The following SLC25A26 variants were observed in gnomAD, a reference collection of about 807,000 sequenced individuals.
SLC25A26 encodes mitochondrial S-adenosylmethionine carrier protein.
A neutral mutation model predicts 37.8 loss-of-function variants in SLC25A26; 36 were observed. That is an observed-to-expected ratio of 0.95 (90% CI 0.73 to 1.26). SLC25A26 has a LOEUF of 1.26. Ranked by LOEUF, SLC25A26 falls within the 50% of genes most tolerant of loss-of-function variation. The pLI, the probability that SLC25A26 is intolerant of heterozygous loss-of-function variation, is 0.00. For missense variants in SLC25A26, 390 were observed against 331.1 expected, an observed-to-expected ratio of 1.18 and a Z score of -1.38; for synonymous variants, 129 against 122.5, an observed-to-expected ratio of 1.05 and a Z score of -0.35.
chr3:66,258,702 G>A (rs982094887), intron 3 of SLC25A26, among the ~76,000 whole-genome samples: 29 of 152,056 alleles, frequency 1.9e-4, no homozygotes, highest in Admixed American at 3.9e-4. Flanking sequence ...TATAATTAAT[G>A]TAAAATAATT....
intron 1 of SLC25A26, among the ~76,000 whole-genome samples, chr3:66,224,591 A>T (rs191446362): frequency 6.6e-6 from 1 of 152,162 alleles, no homozygotes; most frequent in Non-Finnish European, 1.5e-5. Context: ...GAGCCAAACC[A>T]TATCATTCCA....
intron 6 of SLC25A26, among the ~76,000 whole-genome samples, chr3:66,360,433 G>T (rs2076671096): frequency 1.3e-5 from 2 of 152,064 alleles, no homozygotes; most frequent in Non-Finnish European, 2.9e-5. Flanking sequence ...ACCTTAATTG[G>T]AGAGGAAGAA....
intron 5 of SLC25A26, among the ~76,000 whole-genome samples, chr3:66,316,781 A>T (rs985841290): frequency 1.3e-5 from 2 of 152,104 alleles, no homozygotes; most frequent in Admixed American, 1.3e-4. Flanking sequence ...GTTTTTTAAC[A>T]TAATCCCATA....
chr3:66,352,421 G>GTTTTTTTTTTT (rs1379958045), intron 6 of SLC25A26, among the ~76,000 whole-genome samples: 4 of 126,554 alleles, frequency 3.2e-5, no homozygotes, highest in African/African-American at 1.5e-4. Flanking sequence ...GCCTCCCCTC[G>GTTTTTTTTTTT]TTTTTTGTTT....
chr3:66,242,590 G>A (rs949520585), intron 2 of SLC25A26, among the ~76,000 whole-genome samples: 2 of 151,914 alleles, frequency 1.3e-5, no homozygotes. Context: ...ACATTTTTTG[G>A]TTAACAGTAC....
rs56004357 is a variant in SLC25A26, at chr3:66,327,885, AT to A, written c.454-18467del. The stretch of plus-strand genomic sequence containing the variant: ...ATTGCTTTATTATTACAAGTAGGGG[AT>A]TTTTTTTTTTTGCCACTTTAATGAA... On this transcript the variant is annotated intron_variant, in intron 5 of 9. Coordinates refer to ENST00000354883, the MANE Select transcript of SLC25A26 (RefSeq NM_001379210.1). Among the ~76,000 whole-genome samples the A allele has an allele frequency of 2.5e-3, 366 of 146,170 alleles. 4 individuals are homozygous for A. The highest frequency in any genetic ancestry group is 5.8e-3 in the South Asian group (27 of 4,668).
At chr3:66,350,444 A>G (rs553020364) in intron 6 of SLC25A26, among the ~76,000 whole-genome samples, 2 of 151,978 alleles carry the variant, frequency 1.3e-5, no homozygotes, top group Non-Finnish European at 2.9e-5. Context: ...TGTTGACTTC[A>G]CTGTTGGGAA....
At chr3:66,343,841 ACAGT>A (rs1364560142) in intron 5 of SLC25A26, among the ~76,000 whole-genome samples, 4 of 152,208 alleles carry the variant, frequency 2.6e-5, no homozygotes, top group Admixed American at 2.0e-4. Flanking sequence ...AACCTATTAC[ACAGT>A]CAAGTTATTG....
chr3:66,271,406 T>C (rs1034193734), intron 5 of SLC25A26, among the ~76,000 whole-genome samples: 2 of 152,176 alleles, frequency 1.3e-5, no homozygotes, highest in African/African-American at 2.4e-5. Flanking sequence ...CTCTGGCTAA[T>C]TGACTCATGG....
intron 1 of SLC25A26, among the ~76,000 whole-genome samples, chr3:66,208,870 G>GTGTATGTATATATA (rs1364331517): frequency 3.6e-5 from 2 of 55,888 alleles, no homozygotes; most frequent in East Asian, 8.0e-4. Context: ...ATGGGTGTGT[G>GTGTATGTATATATA]TATATATATA....
chr3:66,283,531 C>G (rs1214360200), intron 5 of SLC25A26, among the ~76,000 whole-genome samples: 3 of 152,156 alleles, frequency 2.0e-5, no homozygotes, highest in African/African-American at 7.2e-5. Flanking sequence ...GTCTGCCTAC[C>G]TTGGCATCCC....
intron 6 of SLC25A26, among the ~76,000 whole-genome samples, chr3:66,361,915 CA>C (rs1480115426): frequency 1.3e-5 from 2 of 151,744 alleles, no homozygotes; most frequent in Admixed American, 6.6e-5. Context: ...TGCAGTGAGC[CA>C]AGATTGCACC....
chr3:66,324,797 G>GT (rs397805698), intron 5 of SLC25A26, among the ~76,000 whole-genome samples: 9,510 of 147,142 alleles, frequency 0.065, 933 homozygotes, highest in African/African-American at 0.22. Flanking sequence ...GTAAGCACAG[G>GT]TTTTTTTTTT....
At chr3:66,145,101 G>A (rs1236784323) in intron 1 of SLC25A26, among the ~76,000 whole-genome samples, 1 of 152,080 alleles carries the variant, frequency 6.6e-6, no homozygotes, top group African/African-American at 2.4e-5. Flanking sequence ...GAATTAATGG[G>A]GCTGGGGACT....
chr3:66,287,799 G>A (rs73833451), intron 5 of SLC25A26, among the ~76,000 whole-genome samples: 10,037 of 152,220 alleles, frequency 0.066, 374 homozygotes, highest in African/African-American at 0.081. Context: ...AATAAACCTA[G>A]AACCTAAATT....
intron 5 of SLC25A26, among the ~76,000 whole-genome samples, chr3:66,315,027 TTAG>T (rs200069006): frequency 0.035 from 5,336 of 151,530 alleles, 134 homozygotes; most frequent in Admixed American, 0.053. Flanking sequence ...ATTAGTCTAG[TTAG>T]TAGTCTATTT....
chr3:66,157,981 A>G (rs969331850), intron 1 of SLC25A26, among the ~76,000 whole-genome samples: 29 of 152,218 alleles, frequency 1.9e-4, no homozygotes, highest in African/African-American at 4.8e-4. Flanking sequence ...CCATCAAACC[A>G]TTATAGTCTG....
At chr3:66,253,023 G>GGCC (rs2073145813) in intron 3 of SLC25A26, among the ~76,000 whole-genome samples, 1 of 106,748 alleles carries the variant, frequency 9.4e-6, no homozygotes, top group Non-Finnish European at 1.8e-5. Flanking sequence ...GCAAAATAAT[G>GGCC]CCCCCCCCCC....
chr3:66,292,758 G>C (rs933888482), intron 5 of SLC25A26, among the ~76,000 whole-genome samples: 2 of 151,912 alleles, frequency 1.3e-5, no homozygotes, highest in African/African-American at 2.4e-5. Flanking sequence ...TGTGAATCTT[G>C]ACGATTATGT....
Sources: gnomAD v4.1 joint callset for allele counts (sites outside exome capture counted in the v4.1 genomes callset) on GRCh38, gnomAD v4.1.1 for gene constraint, MANE v1.5 for transcripts, NCBI Gene and HGNC (gene_info 2026-07-23, HGNC 2026-07-21) for gene names.